The following ACSBG2 variants were observed in gnomAD, a reference collection of about 807,000 sequenced individuals.
The protein encoded by ACSBG2 is acyl-CoA synthetase bubblegum family member 2.
ACSBG2 carries 62 observed loss-of-function variants against 74.7 expected under a neutral mutation model. The observed-to-expected ratio is 0.83, with a 90% confidence interval of 0.68 to 1.03. ACSBG2 has a LOEUF of 1.03. Ranked by LOEUF, ACSBG2 falls within the 50% of genes least tolerant of loss-of-function variation. The pLI is 0.00. For missense variants in ACSBG2, 730 were observed against 817.6 expected (o/e 0.89, Z 1.31); for synonymous variants, 309 against 294.1 (o/e 1.05, Z -0.52).
chr19:6,157,608 A>T (rs1198515490), intron 5 of ACSBG2, among the ~76,000 whole-genome samples: 1 of 151,854 alleles, frequency 6.6e-6, no homozygotes, highest in Admixed American at 6.6e-5. Context: ...GTAGAGACAG[A>T]GTCTTGCTAT....
At chr19:6,170,035 C>T (rs1483531745) in intron 7 of ACSBG2, among the ~76,000 whole-genome samples, 3 of 152,140 alleles carry the variant, frequency 2.0e-5, no homozygotes, top group African/African-American at 7.2e-5. Context: ...GATAATTTGA[C>T]TTCCTCTGTT....
At chr19:6,192,071 C>CAAAAAAAAAAAAAAAAAAAAAAAAAAAA (rs397859531) in intron 14 of ACSBG2, 9 of 57,476 alleles carry the variant, frequency 1.6e-4, no homozygotes, top group African/African-American at 6.8e-4. Flanking sequence ...AGCACAGCAC[C>CAAAAAAAAAAAAAAAAAAAAAAAAAAAA]AAAAAAAAAA....
At chr19:6,150,203 C>G (rs566278792) in intron 3 of ACSBG2, among the ~76,000 whole-genome samples, 2 of 151,848 alleles carry the variant, frequency 1.3e-5, no homozygotes, top group East Asian at 1.9e-4. Flanking sequence ...TATGGAGAAG[C>G]TGGAACCCTT....
At chr19:6,163,477 A>C (rs2089692822) in intron 6 of ACSBG2, among the ~76,000 whole-genome samples, 1 of 140,346 alleles carries the variant, frequency 7.1e-6, no homozygotes, top group African/African-American at 2.5e-5. Flanking sequence ...GTGGTGGCTC[A>C]TGCCTGTAAT....
chr19:6,190,686 T>A lies in ACSBG2; in HGVS notation c.*29T>A, dbSNP rs748686252. On this transcript the variant is annotated 3_prime_UTR_variant, in exon 14 of 15. Transcript: ENST00000588485. ...CTTTGATGGAGCTGCTCTCAGCTGT[T>A]CTGATGGTGAGATTCAGTTGCTTGG... 1.2e-6 allele frequency: 2 copies of A among 1,603,908 alleles called. No homozygotes were observed. Among genetic ancestry groups the A allele is most frequent in the South Asian group, 2.2e-5 (2 of 90,866 alleles).
At chr19:6,191,402 C>T (rs1480705272) in intron 14 of ACSBG2, 1 of 152,220 alleles carries the variant, frequency 6.6e-6, no homozygotes, top group Non-Finnish European at 1.5e-5. Flanking sequence ...CAAAGTACCA[C>T]AGACTGGAGG....
chr19:6,151,669 T>C, intron 3 of ACSBG2, 38 bp from the exon 4 acceptor site: 1 of 1,528,640 alleles, frequency 6.5e-7, no homozygotes, highest in Middle Eastern at 1.7e-4. Context: ...CATCTCTGTG[T>C]TTATGTTTTG....
At chr19:6,177,497 C>G (rs2090119998) in intron 8 of ACSBG2, 101 bp downstream of exon 8, 1 of 1,259,024 alleles carries the variant, frequency 7.9e-7, no homozygotes, top group South Asian at 1.6e-5. Flanking sequence ...GGGTGAAGCC[C>G]CATGTCTAAC....
At chr19:6,162,190 C>T (rs1294009627) in intron 6 of ACSBG2, among the ~76,000 whole-genome samples, 13 of 139,598 alleles carry the variant, frequency 9.3e-5, no homozygotes, top group African/African-American at 3.4e-4. Flanking sequence ...CGCTTGAACC[C>T]GGGAGGCGGA....
At position 6,174,574 on chromosome 19, in the gene ACSBG2, C is replaced by T. The variant is rs1222872779; in HGVS notation, c.739-2655C>T. Among the ~76,000 whole-genome samples the T allele has an allele frequency of 1.3e-5, 2 of 152,082 alleles. No homozygotes were observed. Among genetic ancestry groups the T allele is most frequent in the Admixed American group, 6.5e-5 (1 of 15,278 alleles). ...ATGTAATCCCAGCACTTTGGGAGGC[C>T]GAGACAGGAGGATTGCTTGAAGCCA... On this transcript the variant is annotated intron_variant, in intron 7 of 14. Coordinates refer to ENST00000588485, the MANE Select transcript of ACSBG2 (RefSeq NM_030924.5). This position sits in a 1 kb window ranked among gnomAD's most constrained non-coding sequence, Gnocchi z 4.2.
In ACSBG2 at chr19:6,187,321, A is replaced by G. The variant is rs145342540; in HGVS notation, c.1579A>G (p.Ile527Val). ...TGCTGGTGGTGAAAATGTGCCCCCC[A>G]TTCCTGTTGAGACCTTGGTTAAGAA... is the stretch of plus-strand genomic sequence containing the variant. ...ITAGGENVPP[I>V]PVETLVKKKI... The change falls in exon 12 of 15, where the codon ATT (isoleucine) becomes GTT (valine). Residue 527 changes from isoleucine to valine, a missense_variant. Physicochemically the swap from Ile to Val is conservative, Grantham distance 29. Transcript: ENST00000588485. The G allele has an allele frequency of 5.6e-6, 9 of 1,614,008 alleles. No individual in the cohort carries two copies. The highest frequency in any genetic ancestry group is 6.8e-6 in the Non-Finnish European group (8 of 1,180,026).
chr19:6,166,162 A>G, intron 7 of ACSBG2, 147 bp downstream of exon 7: 1 of 985,912 alleles, frequency 1.0e-6, no homozygotes, highest in Non-Finnish European at 1.5e-6. Flanking sequence ...TTGCTTCACT[A>G]GGGGGCAGCA....
chr19:6,150,451 A>G (rs1278531719), intron 3 of ACSBG2, among the ~76,000 whole-genome samples: 1 of 152,156 alleles, frequency 6.6e-6, no homozygotes, highest in Non-Finnish European at 1.5e-5. Context: ...CCGTGTGTCC[A>G]TCAATGGAAG....
chr19:6,183,609 T>C (rs1356982391), intron 10 of ACSBG2, among the ~76,000 whole-genome samples: 1 of 152,150 alleles, frequency 6.6e-6, no homozygotes, highest in Non-Finnish European at 1.5e-5. Context: ...ATTCCTGGCT[T>C]TCTCCCAAGC....
chr19:6,184,928 GTTT>G (rs1227186396), intron 10 of ACSBG2, among the ~76,000 whole-genome samples: 2 of 108,138 alleles, frequency 1.8e-5, no homozygotes, highest in Non-Finnish European at 3.8e-5. Flanking sequence ...TTTTGTTTTT[GTTT>G]TTGTTTTTTG....
chr19:6,172,565 A>G (rs2089991767), intron 7 of ACSBG2, among the ~76,000 whole-genome samples: 1 of 151,886 alleles, frequency 6.6e-6, no homozygotes, highest in South Asian at 2.1e-4. Context: ...TATGGGTTCC[A>G]TGGTTGTGGA....
intron 8 of ACSBG2, 82 bp from the exon 9 acceptor site, chr19:6,182,669 A>G: frequency 7.3e-7 from 1 of 1,376,508 alleles, no homozygotes; most frequent in East Asian, 2.3e-5. Flanking sequence ...TCTCTTGGGC[A>G]AAGTTGGGTG....
At chr19:6,153,143 G>A (rs2089293367) in intron 4 of ACSBG2, among the ~76,000 whole-genome samples, 1 of 152,146 alleles carries the variant, frequency 6.6e-6, no homozygotes, top group South Asian at 2.1e-4. Flanking sequence ...CTACGCGGGA[G>A]GCTGAGGCAG....
chr19:6,139,371 G>A (rs1445840173), intron 1 of ACSBG2, among the ~76,000 whole-genome samples: 3 of 152,174 alleles, frequency 2.0e-5, no homozygotes, highest in Non-Finnish European at 2.9e-5. Context: ...GATTACAGGC[G>A]TGAGCCACCG....
Sources: allele counts gnomAD v4.1 joint callset (sites outside exome capture counted in the v4.1 genomes callset), GRCh38; gene constraint gnomAD v4.1.1; non-coding constraint Gnocchi (gnomAD v3.1); transcripts MANE v1.5; gene names NCBI Gene and HGNC (gene_info 2026-07-23, HGNC 2026-07-21).